XRCC5: variants seen among roughly 807,000 people sequenced by gnomAD.
XRCC5 encodes DNA repair protein Ku80.
A neutral mutation model predicts 95.7 loss-of-function variants in XRCC5; 12 were observed. The observed-to-expected ratio is 0.13, with a 90% confidence interval of 0.08 to 0.20. The LOEUF is 0.20. Among genes scored for constraint, XRCC5 ranks in the 10% least tolerant of loss-of-function variants. The pLI is 1.00. For missense variants in XRCC5, 595 were observed against 873.9 expected (o/e 0.68, Z 4.02); for synonymous variants, 281 against 290.3 (o/e 0.97, Z 0.33).
rs539165673 is a variant in XRCC5 at position 216,162,504 on chromosome 2, C to G, written c.1834+456C>G. On this transcript the variant is annotated intron_variant, in intron 16 of 20. Transcript: ENST00000392132. ...ACAACCTCTGCCTCCCGAGTTGAAG[C>G]GATTCTCCTACCTCAGCCTCCCGAG... 1.2e-3 allele frequency among the ~76,000 whole-genome samples: 176 copies of G among 151,552 alleles called. 1 individual carries two copies. The highest frequency in any genetic ancestry group is 4.1e-3 in the African/African-American group (168 of 41,286).
rs1697009286 is a variant in XRCC5, at chr2:216,132,367, T to C, written c.1093T>C (p.Phe365Leu). 1 of 1,613,902 alleles carries C rather than the reference T, an allele frequency of 6.2e-7. No individual in the cohort carries two copies. Among genetic ancestry groups the C allele is most frequent in the Admixed American group, 1.7e-5 (1 of 60,004 alleles). ...CATGGGAAATCAAGTTCTAAAGGTC[T>C]TTGCAGCAAGAGATGATGAGGTGAG... The part of the protein sequence containing the change: ...FFMGNQVLKV[F>L]AARDDEAAAV... Residue 365 changes from phenylalanine (F) to leucine (L), a missense_variant, in exon 10 of 21, where the codon TTT (phenylalanine) becomes CTT (leucine). This residue lies in a region of XRCC5 where 286 missense variants were observed against 491.1 expected (regional missense o/e 0.58). Transcript: ENST00000392132.
intron 2 of XRCC5, among the ~76,000 whole-genome samples, chr2:216,115,091 C>T (rs2105999505): frequency 6.6e-6 from 1 of 152,312 alleles, no homozygotes; most frequent in Admixed American, 6.5e-5. Flanking sequence ...TCCAAGTGTA[C>T]TCTGCTTTCT....
chr2:216,149,889 A>C (rs1193661867), intron 14 of XRCC5, among the ~76,000 whole-genome samples: 1 of 152,168 alleles, frequency 6.6e-6, no homozygotes, highest in African/African-American at 2.4e-5. Flanking sequence ...TTAATCTTGC[A>C]GGGGCCTGAG....
At chr2:216,179,853 G>A (rs183571027) in intron 16 of XRCC5, among the ~76,000 whole-genome samples, 32 of 152,312 alleles carry the variant, frequency 2.1e-4, no homozygotes, top group African/African-American at 7.2e-4. Context: ...TTCATACCAT[G>A]TTGAGGAAAA....
chr2:216,200,556 T>C lies in XRCC5; in HGVS notation c.2110-3766T>C, dbSNP rs373765645. ...TGAGGTAGAACATGTGTACAGTAAA[T>C]GCACAGATCTTAACTGTGCAACTTG... On this transcript the variant is annotated intron_variant, in intron 19 of 20. Transcript: ENST00000392132. 3.0e-4 allele frequency among the ~76,000 whole-genome samples: 45 copies of C among 152,334 alleles called. 2 individuals are homozygous for C. In the South Asian group the frequency reaches 9.1e-3, roughly 31 times the overall value.
At chr2:216,156,809 C>T (rs982488680) in intron 14 of XRCC5, 2 of 469,370 alleles carry the variant, frequency 4.3e-6, no homozygotes, top group African/African-American at 4.0e-5. Flanking sequence ...GTCCAGTAGC[C>T]ATTTTTCAAG....
At chr2:216,202,141 G>C (rs1272879317) in intron 19 of XRCC5, among the ~76,000 whole-genome samples, 1 of 152,166 alleles carries the variant, frequency 6.6e-6, no homozygotes, top group African/African-American at 2.4e-5. Flanking sequence ...ACAAGATGTA[G>C]TGGACTACAG....
chr2:216,167,570 T>TTGTGTGTG lies in XRCC5; in HGVS notation c.1834+5559_1834+5566dup, dbSNP rs58499938. Among the ~76,000 whole-genome samples, 405 of 138,488 alleles carry TTGTGTGTG rather than the reference T, an allele frequency of 2.9e-3. 1 individual carries two copies. Among genetic ancestry groups the TTGTGTGTG allele is most frequent in the East Asian group, 0.014 (66 of 4,560 alleles). 90.9% of individuals were successfully genotyped at this position (138,488 alleles called of 152,430 possible). ...ATCTCTCTCGTGTGTGTGTGTGGGTTTGTGTGTGTGTGTGTGTGTGTGTGT... is the reference window on the plus strand; with the variant it reads ...ATCTCTCTCGTGTGTGTGTGTGGGTTTGTGTGTGTGTGTGTGTGTGTGTGTGTGTGTGT... On this transcript the variant is annotated intron_variant, in intron 16 of 20. Transcript: ENST00000392132.
In XRCC5 at chr2:216,109,398, G is replaced by A. The variant is rs760212392; in HGVS notation, c.-39G>A. 6.2e-7 allele frequency: 1 copy of A among 1,613,130 alleles called. No homozygotes were observed. On this transcript the variant is annotated 5_prime_UTR_variant, in exon 1 of 21. Transcript: ENST00000392132. ...GCGAGTTGCGACACGGCAGGTTCCC[G>A]CCCGGAAGAAGCGACCAAAGCGCCT... is the stretch of plus-strand genomic sequence containing the variant.
intron 1 of XRCC5, 41 bp from the exon 2 acceptor site, chr2:216,112,975 C>A (rs80130892): frequency 6.7e-7 from 1 of 1,484,352 alleles, no homozygotes; most frequent in Non-Finnish European, 9.4e-7. Flanking sequence ...TCTTTTCTTA[C>A]GACTTATTTT....
chr2:216,117,412 A>T (rs41298734), intron 3 of XRCC5: 1 of 293,750 alleles, frequency 3.4e-6, no homozygotes. Flanking sequence ...CAAATGCTAC[A>T]TTATGGTTCG....
In XRCC5 at chr2:216,180,482, C is replaced by T. The variant is rs567555484; in HGVS notation, c.1835-9743C>T. ...CTCTACTAAAAATACAAAAATCAGT[C>T]GTGCATGATGGCTTGGGCCTGTAGT... On this transcript the variant is annotated intron_variant, in intron 16 of 20. Coordinates refer to ENST00000392132, the MANE Select transcript of XRCC5 (RefSeq NM_021141.4). Among the ~76,000 whole-genome samples the T allele has an allele frequency of 3.3e-5, 5 of 152,232 alleles. No individual in the cohort carries two copies. In the South Asian group the frequency reaches 6.2e-4, roughly 19 times the overall value.
At chr2:216,152,812 T>A (rs1191921767) in intron 14 of XRCC5, among the ~76,000 whole-genome samples, 8 of 151,898 alleles carry the variant, frequency 5.3e-5, no homozygotes, top group South Asian at 2.1e-4. Flanking sequence ...TCACGCCGGC[T>A]AAGTTTTTTA....
chr2:216,162,098 A>G, intron 16 of XRCC5, 50 bp downstream of exon 16: 1 of 1,511,866 alleles, frequency 6.6e-7, no homozygotes, highest in Non-Finnish European at 9.2e-7. Context: ...TAAGCTAACT[A>G]ATTTAAAGTC....
At chr2:216,115,460 G>A (rs1261195125) in intron 2 of XRCC5, among the ~76,000 whole-genome samples, 3 of 152,118 alleles carry the variant, frequency 2.0e-5, no homozygotes, top group Non-Finnish European at 4.4e-5. Context: ...GCAGATACCT[G>A]CCCAGCCAGT....
intron 13 of XRCC5, among the ~76,000 whole-genome samples, chr2:216,144,011 G>A (rs1386685151): frequency 4.6e-5 from 7 of 152,020 alleles, no homozygotes; most frequent in East Asian, 1.9e-4. Flanking sequence ...CACTGCACCC[G>A]GCCAAGCTTA....
chr2:216,135,196 A>C (rs530308243), intron 10 of XRCC5, among the ~76,000 whole-genome samples: 1 of 152,156 alleles, frequency 6.6e-6, no homozygotes. Flanking sequence ...AGAGAAGTAC[A>C]TAGTGTTTGG....
Position 216,113,051 on chromosome 2 carries a change from C to A in XRCC5, c.57C>A (p.Thr19=). Reference sequence around the variant, plus strand: ...TGCTGTGTATGGACGTGGGCTTTACCATGAGTAACTCCATTCCTGGTATAG... The same window carrying A: ...TGCTGTGTATGGACGTGGGCTTTACAATGAGTAACTCCATTCCTGGTATAG... ...AVVLCMDVGF[T]MSNSIPGIES... The change falls in exon 2 of 21, where the codon ACC becomes ACA. Residue 19 remains threonine (T), a synonymous_variant. Coordinates refer to ENST00000392132, the MANE Select transcript of XRCC5 (RefSeq NM_021141.4). 6.2e-7 allele frequency: 1 copy of A among 1,614,080 alleles called. No individual in the cohort carries two copies. Among genetic ancestry groups the A allele is most frequent in the Middle Eastern group, 1.6e-4 (1 of 6,062 alleles).
At chr2:216,180,358 G>A (rs1332595358) in intron 16 of XRCC5, among the ~76,000 whole-genome samples, 2 of 152,224 alleles carry the variant, frequency 1.3e-5, no homozygotes, top group Admixed American at 1.3e-4. Context: ...GGGTACAGTG[G>A]TTCACGCCTG....
Sources: gnomAD v4.1 joint callset for allele counts (sites outside exome capture counted in the v4.1 genomes callset) on GRCh38, gnomAD v4.1.1 for gene constraint, gnomAD v4.1.1 regional missense constraint, MANE v1.5 for transcripts, NCBI Gene and HGNC (gene_info 2026-07-23, HGNC 2026-07-21) for gene names.